The following PDE10A variants were observed in gnomAD, a reference collection of about 807,000 sequenced individuals.
PDE10A encodes phosphodiesterase 10A, also known as cAMP and cAMP-inhibited cGMP 3',5'-cyclic phosphodiesterase 10A.
In PDE10A, 39 loss-of-function variants were observed where a neutral mutation model predicts 97.7. That is an observed-to-expected ratio of 0.40 (90% CI 0.31 to 0.52). The LOEUF is 0.52. PDE10A is among the 20% of genes least tolerant of loss of function. PDE10A has a pLI of 0.56. For missense variants in PDE10A, 731 were observed against 1,047.8 expected (o/e 0.70, Z 4.17); for synonymous variants, 371 against 376.8 (o/e 0.98, Z 0.18).
intron 20 of PDE10A, 92 bp from the exon 21 acceptor site, chr6:165,336,303 T>C: frequency 2.4e-6 from 2 of 834,230 alleles, no homozygotes; most frequent in South Asian, 1.6e-5. Flanking sequence ...GTTCTGTTTC[T>C]GAGGCCTAAT....
chr6:165,974,365 A>G (rs976438610), intron 1 of PDE10A, among the ~76,000 whole-genome samples: 2 of 152,210 alleles, frequency 1.3e-5, no homozygotes, highest in African/African-American at 2.4e-5. Context: ...AACAATCCTC[A>G]TGCACCAGGG....
intron 1 of PDE10A, among the ~76,000 whole-genome samples, chr6:165,927,785 C>T (rs1782989649): frequency 6.7e-6 from 1 of 149,598 alleles, no homozygotes; most frequent in Non-Finnish European, 1.5e-5. Context: ...TAACCTCCAC[C>T]TCTTGGGTTG....
At chr6:165,574,071 T>C (rs542061544) in intron 1 of PDE10A, among the ~76,000 whole-genome samples, 48 of 152,322 alleles carry the variant, frequency 3.2e-4, no homozygotes, top group Admixed American at 5.9e-4. Context: ...TAGCAACTTA[T>C]TAACAAAACA....
chr6:165,822,563 G>A (rs1779604232), intron 1 of PDE10A, among the ~76,000 whole-genome samples: 1 of 152,070 alleles, frequency 6.6e-6, no homozygotes, highest in African/African-American at 2.4e-5. Context: ...TAACACAATG[G>A]TATTTGTGTA....
intron 15 of PDE10A, among the ~76,000 whole-genome samples, chr6:165,393,297 C>T (rs373531083): frequency 6.6e-6 from 1 of 152,112 alleles, no homozygotes; most frequent in East Asian, 1.9e-4. Flanking sequence ...AGGTTTATTA[C>T]ACACTCAAAT....
intron 1 of PDE10A, among the ~76,000 whole-genome samples, chr6:165,809,438 C>G (rs1779221741): frequency 6.6e-6 from 1 of 152,198 alleles, no homozygotes; most frequent in African/African-American, 2.4e-5. Context: ...TTTGTTTTCC[C>G]TCCACTCAGC....
chr6:165,728,610 AG>A, intron 1 of PDE10A, among the ~76,000 whole-genome samples: 1 of 152,354 alleles, frequency 6.6e-6, no homozygotes, highest in Non-Finnish European at 1.5e-5. Context: ...GTGAAAAAGA[AG>A]GATGTCAGAA....
At chr6:165,456,691 T>C (rs1777973796) in intron 3 of PDE10A, among the ~76,000 whole-genome samples, 1 of 152,236 alleles carries the variant, frequency 6.6e-6, no homozygotes, top group African/African-American at 2.4e-5. Context: ...ATGCTTTCCC[T>C]TTCCAAGACT....
intron 1 of PDE10A, among the ~76,000 whole-genome samples, chr6:165,979,065 C>A (rs142378850): frequency 6.6e-6 from 1 of 152,164 alleles, no homozygotes; most frequent in East Asian, 1.9e-4. Flanking sequence ...TGATGACACA[C>A]GCACCAAGAG....
chr6:165,753,309 G>T (rs937598448), intron 1 of PDE10A, among the ~76,000 whole-genome samples: 1 of 152,210 alleles, frequency 6.6e-6, no homozygotes, highest in Non-Finnish European at 1.5e-5. Flanking sequence ...GTCCACGGCA[G>T]GCCAAGCACT....
At chr6:165,621,066 G>T (rs1209761790) in intron 1 of PDE10A, among the ~76,000 whole-genome samples, 1 of 150,788 alleles carries the variant, frequency 6.6e-6, no homozygotes, top group Admixed American at 6.6e-5. Flanking sequence ...GAAAGGGATA[G>T]CTGCTCACAC....
At chr6:165,833,537 C>T (rs1180357206) in intron 1 of PDE10A, among the ~76,000 whole-genome samples, 5 of 152,238 alleles carry the variant, frequency 3.3e-5, no homozygotes, top group Non-Finnish European at 7.3e-5. Flanking sequence ...CTGTGCATGC[C>T]CCAGGGCGTA....
At chr6:165,705,972 T>C (rs1012753784) in intron 1 of PDE10A, among the ~76,000 whole-genome samples, 3 of 152,200 alleles carry the variant, frequency 2.0e-5, no homozygotes, top group Admixed American at 6.5e-5. Context: ...GACAGTGACA[T>C]GCACATCCAA....
chr6:165,576,074 G>T (rs916046483), intron 1 of PDE10A, among the ~76,000 whole-genome samples: 1 of 122,798 alleles, frequency 8.1e-6, no homozygotes. Flanking sequence ...TAATAAATTT[G>T]CCTAAAGCAA....
At chr6:165,546,026 T>C (rs1783719666) in intron 1 of PDE10A, among the ~76,000 whole-genome samples, 1 of 151,984 alleles carries the variant, frequency 6.6e-6, no homozygotes, top group Non-Finnish European at 1.5e-5. Flanking sequence ...TGTCCTTCAA[T>C]ACACAAATGG....
At chr6:165,423,457 C>T (rs1276293625) in intron 10 of PDE10A, among the ~76,000 whole-genome samples, 4 of 152,186 alleles carry the variant, frequency 2.6e-5, no homozygotes, top group African/African-American at 9.7e-5. Context: ...AAAGACGCTG[C>T]AGGTCTGCGG....
At chr6:165,808,907 G>A (rs1583124276) in intron 1 of PDE10A, among the ~76,000 whole-genome samples, 1 of 152,182 alleles carries the variant, frequency 6.6e-6, no homozygotes, top group Non-Finnish European at 1.5e-5. Context: ...ATCTTTCCTT[G>A]CTAATTATTT....
intron 1 of PDE10A, among the ~76,000 whole-genome samples, chr6:165,572,688 C>T (rs936796796): frequency 6.6e-6 from 1 of 152,160 alleles, no homozygotes; most frequent in African/African-American, 2.4e-5. Flanking sequence ...CTGTTTGAGC[C>T]TTAGGAGTTT....
intron 1 of PDE10A, among the ~76,000 whole-genome samples, chr6:165,629,323 G>A (rs1407657794): frequency 1.3e-5 from 2 of 152,118 alleles, no homozygotes; most frequent in African/African-American, 4.8e-5. Context: ...TCCAAGGTAT[G>A]ACTTCAACAG....
Sources: gnomAD v4.1 joint callset for allele counts (sites outside exome capture counted in the v4.1 genomes callset) on GRCh38, gnomAD v4.1.1 for gene constraint, MANE v1.5 for transcripts, NCBI Gene and HGNC (gene_info 2026-07-23, HGNC 2026-07-21) for gene names.